The following TRIP13 variants were observed in gnomAD, a reference collection of about 807,000 sequenced individuals.
The protein encoded by TRIP13 is thyroid hormone receptor interactor 13, also known as pachytene checkpoint protein 2 homolog.
In TRIP13, 25 loss-of-function variants were observed where a neutral mutation model predicts 54.4. That is an observed-to-expected ratio of 0.46 (90% CI 0.33 to 0.64). The LOEUF (loss-of-function observed/expected upper bound fraction) is 0.64. Ranked by LOEUF, TRIP13 falls within the 30% of genes least tolerant of loss-of-function variation. The pLI is 0.02. For synonymous variants in TRIP13, 207 were observed against 207.8 expected, an observed-to-expected ratio of 1.00 and a Z score of 0.03; for missense variants, 373 against 534.2, an observed-to-expected ratio of 0.70 and a Z score of 2.97.
At position 913,379 on chromosome 5, in the gene TRIP13, C is replaced by G. The variant is rs1754280919; in HGVS notation, c.1021-1086C>G. 6.6e-6 allele frequency among the ~76,000 whole-genome samples: 1 copy of G among 152,166 alleles called. No homozygotes were observed. Among genetic ancestry groups the G allele is most frequent in the Admixed American group, 6.5e-5 (1 of 15,276 alleles). ...TTTTGTTTGTTTGTTTATTTTGAGA[C>G]ACAGTCTCACTCTTACCTAGAGCTG... On this transcript the variant is annotated intron_variant, in intron 10 of 12. Coordinates refer to ENST00000166345, the MANE Select transcript of TRIP13 (RefSeq NM_004237.4). This position sits in a 1 kb window ranked among gnomAD's most constrained non-coding sequence, Gnocchi z 4.5.
Position 903,246 on chromosome 5 carries a change from C to T in TRIP13, c.536-902C>T, listed in dbSNP as rs931216885. Among the ~76,000 whole-genome samples, 7 of 152,244 alleles carry T rather than the reference C, an allele frequency of 4.6e-5. No individual in the cohort carries two copies. The East Asian group carries it at 7.8e-4, about 17-fold the overall frequency. On this transcript the variant is annotated intron_variant, in intron 5 of 12. Transcript: ENST00000166345. Reference sequence around the variant, plus strand: ...GCTTGGCAGCGGGCTTCTTCCCAGACGCTGGCATTACTGCTAGACCAAGGA... The same window carrying T: ...GCTTGGCAGCGGGCTTCTTCCCAGATGCTGGCATTACTGCTAGACCAAGGA...
chr5:900,372 A>C, intron 3 of TRIP13, 122 bp from the exon 4 acceptor site: 1 of 939,156 alleles, frequency 1.1e-6, no homozygotes, highest in Non-Finnish European at 1.6e-6. Context: ...TGTAATCAGA[A>C]TCATAGTCTT....
At chr5:916,373 G>T (rs59992840) in intron 12 of TRIP13, among the ~76,000 whole-genome samples, 12,368 of 152,238 alleles carry the variant, frequency 0.081, 720 homozygotes, top group African/African-American at 0.17. Flanking sequence ...GCTTCGGCCT[G>T]GGGCACTCAC....
At chr5:903,154 C>G (rs1167834645) in intron 5 of TRIP13, among the ~76,000 whole-genome samples, 1 of 151,972 alleles carries the variant, frequency 6.6e-6, no homozygotes, top group Middle Eastern at 3.2e-3. Flanking sequence ...AGGGAGACTC[C>G]CTTTCCCGGT....
At chr5:900,606 G>A in intron 4 of TRIP13, 57 bp downstream of exon 4, 1 of 1,587,286 alleles carries the variant, frequency 6.3e-7, no homozygotes, top group Non-Finnish European at 8.6e-7. Context: ...AACCATTACT[G>A]TTTTGCTCTC....
rs1193499931 is a variant in TRIP13, at chr5:915,465, C to T, written c.1134-439C>T. On this transcript the variant is annotated intron_variant, in intron 11 of 12. Transcript: ENST00000166345. This position sits in a 1 kb window ranked among gnomAD's most constrained non-coding sequence, Gnocchi z 4.2. ...GGCAGAGGCTCCCAGGCAGGTGATG[C>T]ATTCCCTGAGCGCAAGGATGCTGGC... 1.4e-5 allele frequency among the ~76,000 whole-genome samples: 2 copies of T among 146,884 alleles called. No individual in the cohort carries two copies. Among genetic ancestry groups the T allele is most frequent in the Non-Finnish European group, 3.0e-5 (2 of 66,866 alleles).
In TRIP13 at chr5:907,004, T is replaced by G. The variant is rs1754128183; in HGVS notation, c.609-126T>G. On this transcript the variant is annotated intron_variant, in intron 6 of 12. Transcript: ENST00000166345. This position sits in a 1 kb window ranked among gnomAD's most constrained non-coding sequence, Gnocchi z 4.1. ...CGGAGGGCTGGATTCCTCAATTCTT[T>G]GTCAGTAATTGTAATTCCCCCGATG... 8 of 725,190 alleles carry G rather than the reference T, an allele frequency of 1.1e-5. No individual in the cohort carries two copies. Among genetic ancestry groups the G allele is most frequent in the Admixed American group, 2.5e-5 (1 of 40,322 alleles). 44.9% of individuals were successfully genotyped at this position (725,190 alleles called of 1,614,324 possible).
rs1176745665 is a variant in TRIP13, at chr5:915,929, G to A, written c.1159G>A (p.Val387Ile). 1 of 1,614,172 alleles carries A rather than the reference G, an allele frequency of 6.2e-7. No individual in the cohort carries two copies. Among genetic ancestry groups the A allele is most frequent in the South Asian group, 1.1e-5 (1 of 91,084 alleles). ...GAAGAGCGAGGGCCTCAGCGGCCGG[G>A]TCCTGAGAAAACTCCCCTTTCTGGC... ...SRKSEGLSGRVLRKLPFLAHA... is the reference protein window; with the variant it reads ...SRKSEGLSGRILRKLPFLAHA... Residue 387 changes from valine to isoleucine, a missense_variant, in exon 12 of 13, where the codon GTC (valine) becomes ATC (isoleucine). Coordinates refer to ENST00000166345, the MANE Select transcript of TRIP13 (RefSeq NM_004237.4). This position sits in a 1 kb window ranked among gnomAD's most constrained non-coding sequence, Gnocchi z 4.2.
Position 914,592 on chromosome 5 carries a change from C to T in TRIP13, c.1133+15C>T, listed in dbSNP as rs779741252. 6.3e-7 allele frequency: 1 copy of T among 1,589,588 alleles called. No homozygotes were observed. Among genetic ancestry groups the T allele is most frequent in the Non-Finnish European group, 8.6e-7 (1 of 1,159,202 alleles). Reference sequence around the variant, plus strand: ...GACATTTCAAGGTGCAAATTGACCTCATTTTTGTAATCAAGAAGAATCCAT... The same window carrying T: ...GACATTTCAAGGTGCAAATTGACCTTATTTTTGTAATCAAGAAGAATCCAT... On this transcript the variant is annotated intron_variant, in intron 11 of 12. Coordinates refer to ENST00000166345, the MANE Select transcript of TRIP13 (RefSeq NM_004237.4).
chr5:894,158 A>G (rs1362683970), intron 1 of TRIP13, among the ~76,000 whole-genome samples: 1 of 152,206 alleles, frequency 6.6e-6, no homozygotes, highest in Non-Finnish European at 1.5e-5. Flanking sequence ...GAGCCTGTCC[A>G]GGAGGGCTCA....
chr5:914,516 A>G lies in TRIP13; in HGVS notation c.1072A>G (p.Met358Val). The change falls in exon 11 of 13, where the codon ATG becomes GTG. Residue 358 changes from methionine (M) to valine (V), a missense_variant. Transcript: ENST00000166345. Reference protein sequence around the residue: ...QQLLTLRELEMIGFIENNVSK... With the variant: ...QQLLTLRELEVIGFIENNVSK... Reference sequence around the variant, plus strand: ...GCTGCTGACCCTCCGAGAGCTAGAGATGATTGGCTTCATTGAAAACAACGT... The same window carrying G: ...GCTGCTGACCCTCCGAGAGCTAGAGGTGATTGGCTTCATTGAAAACAACGT... The G allele has an allele frequency of 6.2e-7, 1 of 1,613,648 alleles. No individual in the cohort carries two copies. Among genetic ancestry groups the G allele is most frequent in the Non-Finnish European group, 8.5e-7 (1 of 1,179,938 alleles).
At chr5:918,580 A>G (rs1754377907), downstream of TRIP13, among the ~76,000 whole-genome samples, 1 of 152,194 alleles carries the variant, frequency 6.6e-6, no homozygotes, top group Admixed American at 6.5e-5. The surrounding 1 kb of genome is among the most constrained non-coding windows in gnomAD (Gnocchi z 4.3). Context: ...AAGGCAGTGT[A>G]TTAGGGTTCT....
rs1447620069 is a variant in TRIP13 at position 896,585 on chromosome 5, AC to A, written c.259-78del. On this transcript the variant is annotated intron_variant, in intron 2 of 12. Transcript: ENST00000166345. ...CTGTACATTCAGTTTTTATTTGTAG[AC>A]CTTAACATCTAATTTGTATGGTTGC... 6.4e-5 allele frequency: 93 copies of A among 1,453,048 alleles called. 1 individual carries two copies. In the African/African-American group the frequency reaches 1.1e-3, roughly 18 times the overall value. The allele number at this position is 1,453,048 out of a possible 1,614,324, so 90.0% of individuals were successfully genotyped here.
intron 9 of TRIP13, among the ~76,000 whole-genome samples, chr5:909,285 G>A (rs569025736): frequency 6.6e-6 from 1 of 152,184 alleles, no homozygotes. Flanking sequence ...AGTGATGGGC[G>A]AGCCAGAACC....
In TRIP13 at chr5:907,205, A is replaced by C. The variant is rs1173646053; in HGVS notation, c.672+12A>C. 3 of 1,604,322 alleles carry C rather than the reference A, an allele frequency of 1.9e-6. No individual in the cohort carries two copies. The highest frequency in any genetic ancestry group is 1.7e-6 in the Non-Finnish European group (2 of 1,171,214). ...AGTGGTTTTCGGAAGTAAGTATTAA[A>C]TATTAATTCTAATTGTCTGGATTGT... On this transcript the variant is annotated intron_variant, in intron 7 of 12. Transcript: ENST00000166345. The surrounding 1 kb of genome is among the most constrained non-coding windows in gnomAD (Gnocchi z 4.1).
chr5:916,362 T>C (rs55709156), intron 12 of TRIP13, among the ~76,000 whole-genome samples: 12,358 of 152,268 alleles, frequency 0.081, 717 homozygotes, highest in African/African-American at 0.17. Context: ...CTGTTGCAGA[T>C]GCTTCGGCCT....
In TRIP13 at chr5:911,778, G is replaced by T; in HGVS notation, c.867-65G>T. ...TCCTGCCAACCTCCTTGCCAGATAG[G>T]GCAGGATAGAATTGGGTCACCGACA... is the stretch of plus-strand genomic sequence containing the variant. On this transcript the variant is annotated intron_variant, in intron 9 of 12. Coordinates refer to ENST00000166345, the MANE Select transcript of TRIP13 (RefSeq NM_004237.4). The surrounding 1 kb of genome is among the most constrained non-coding windows in gnomAD (Gnocchi z 4.7). 1 of 1,551,984 alleles carries T rather than the reference G, an allele frequency of 6.4e-7. No homozygotes were observed. The highest frequency in any genetic ancestry group is 2.0e-5 in the Admixed American group (1 of 49,890).
chr5:913,225 G>C lies in TRIP13; in HGVS notation c.1020+1229G>C, dbSNP rs566354094. Among the ~76,000 whole-genome samples the C allele has an allele frequency of 1.3e-5, 2 of 152,342 alleles. No individual in the cohort carries two copies. The highest frequency in any genetic ancestry group is 4.1e-4 in the South Asian group (2 of 4,826). On this transcript the variant is annotated intron_variant, in intron 10 of 12. Transcript: ENST00000166345. This position sits in a 1 kb window ranked among gnomAD's most constrained non-coding sequence, Gnocchi z 4.5. ...TGTTGGAGGTCCTCACGCACCTTCA[G>C]TGTGGGTTCCAGCCCTCGCAGTGTG...
At chr5:904,124 T>C (rs1219146544) in intron 5 of TRIP13, 24 bp from the exon 6 acceptor site, 2 of 1,594,248 alleles carry the variant, frequency 1.3e-6, no homozygotes, top group African/African-American at 1.4e-5. Flanking sequence ...CTTAAAAATA[T>C]ATTTGCTTGG....
Sources: allele counts gnomAD v4.1 joint callset (sites outside exome capture counted in the v4.1 genomes callset), GRCh38; gene constraint gnomAD v4.1.1; non-coding constraint Gnocchi (gnomAD v3.1); transcripts MANE v1.5; gene names NCBI Gene and HGNC (gene_info 2026-07-23, HGNC 2026-07-21).